Variants in FOXN3 observed in about 807,000 individuals in gnomAD.
FOXN3 encodes the protein forkhead box protein N3.
In FOXN3, 7 loss-of-function variants were observed where a neutral mutation model predicts 38.4. The ratio of observed to expected loss-of-function variants is 0.18; its 90% CI spans 0.10 to 0.34. FOXN3 has a LOEUF of 0.34. Ranked by LOEUF, FOXN3 falls within the 10% of genes least tolerant of loss-of-function variation. The pLI, the probability that FOXN3 is intolerant of heterozygous loss-of-function variation, is 1.00. For synonymous variants in FOXN3, 230 were observed against 242.2 expected (o/e 0.95, Z 0.47); for missense variants, 456 against 613.4 (o/e 0.74, Z 2.71).
intron 3 of FOXN3, chr14:89,290,406 A>C (rs1188261998): frequency 4.9e-5 from 18 of 367,422 alleles, no homozygotes; most frequent in Non-Finnish European, 9.6e-5. Context: ...TCTCCCCATT[A>C]CCTGGATTTG....
chr14:89,395,806 C>T (rs1891084327), intron 2 of FOXN3, among the ~76,000 whole-genome samples: 1 of 152,024 alleles, frequency 6.6e-6, no homozygotes, highest in Non-Finnish European at 1.5e-5. Flanking sequence ...AAGCTGATCT[C>T]TAAGGCTGGA....
intron 1 of FOXN3, among the ~76,000 whole-genome samples, chr14:89,481,230 C>T (rs1056649297): frequency 2.0e-5 from 3 of 152,000 alleles, no homozygotes; most frequent in Non-Finnish European, 4.4e-5. Flanking sequence ...TTTACTCCAC[C>T]CTAGATTTCA....
intron 1 of FOXN3, chr14:89,494,055 ACCC>A: frequency 6.6e-6 from 1 of 152,042 alleles, no homozygotes. Context: ...GAATGCCGCA[ACCC>A]CCGACACATC....
chr14:89,468,068 T>A (rs1448784394), intron 1 of FOXN3, among the ~76,000 whole-genome samples: 1 of 151,452 alleles, frequency 6.6e-6, no homozygotes. Context: ...ATCTACATAA[T>A]TTGATTATTT....
intron 3 of FOXN3, among the ~76,000 whole-genome samples, chr14:89,325,341 C>CACT (rs1888041226): frequency 6.8e-6 from 1 of 147,346 alleles, no homozygotes; most frequent in Non-Finnish European, 1.5e-5. Flanking sequence ...CCACCACCAC[C>CACT]ACCACCACCA....
intron 1 of FOXN3, among the ~76,000 whole-genome samples, chr14:89,546,862 C>A (rs1407556634): frequency 6.6e-6 from 1 of 152,120 alleles, no homozygotes; most frequent in East Asian, 1.9e-4. Flanking sequence ...TGGCTCACTG[C>A]AACCTCCGCC....
intron 1 of FOXN3, among the ~76,000 whole-genome samples, chr14:89,558,441 A>T (rs1002928130): frequency 1.3e-5 from 2 of 152,200 alleles, no homozygotes; most frequent in African/African-American, 4.8e-5. Flanking sequence ...GGTATTAAGA[A>T]GCAGGCTCTC....
chr14:89,549,728 T>C lies in FOXN3; in HGVS notation c.-15+69300A>G, dbSNP rs571572698. On this transcript the variant is annotated intron_variant, in intron 1 of 6. Transcript: ENST00000345097. ...GGTATTTCTTTTCAGATTCAAGGCA[T>C]GGCCAAGTCGCACAGGCTCACTTCA... 2.6e-5 allele frequency among the ~76,000 whole-genome samples: 4 copies of C among 152,336 alleles called. No individual in the cohort carries two copies. In the South Asian group the frequency reaches 8.3e-4, roughly 32 times the overall value.
At chr14:89,363,960 A>AT (rs1555421698) in intron 2 of FOXN3, among the ~76,000 whole-genome samples, 1 of 11,292 alleles carries the variant, frequency 8.9e-5, no homozygotes, top group African/African-American at 1.9e-4. Context: ...ATATATATAT[A>AT]TATATATATA....
At chr14:89,367,843 AC>A (rs11361758) in intron 2 of FOXN3, among the ~76,000 whole-genome samples, 121,897 of 151,780 alleles carry the variant, frequency 0.8, 48,964 homozygotes, top group Admixed American at 0.88. Context: ...TGCCCCAGAA[AC>A]CCTCCCCTCG....
intron 4 of FOXN3, among the ~76,000 whole-genome samples, chr14:89,198,754 C>T (rs575814225): frequency 3.9e-5 from 6 of 152,328 alleles, no homozygotes; most frequent in African/African-American, 7.2e-5. Flanking sequence ...CCACAAAGAA[C>T]GATCCAGTCC....
chr14:89,540,135 G>A (rs571670310), intron 1 of FOXN3, among the ~76,000 whole-genome samples: 12 of 152,298 alleles, frequency 7.9e-5, no homozygotes, highest in African/African-American at 2.9e-4. Flanking sequence ...GGTGTTTGCA[G>A]CATGGTAGTA....
At chr14:89,605,216 G>A (rs1007290889) in intron 1 of FOXN3, among the ~76,000 whole-genome samples, 3 of 152,078 alleles carry the variant, frequency 2.0e-5, no homozygotes, top group African/African-American at 7.2e-5. Context: ...GGGCAAAAAC[G>A]AAACCTAAAT....
chr14:89,363,988 A>ATATATATATAATAT (rs1420813459), intron 2 of FOXN3, among the ~76,000 whole-genome samples: 1 of 52,064 alleles, frequency 1.9e-5, no homozygotes, highest in African/African-American at 8.9e-5. Flanking sequence ...ATATATATAT[A>ATATATATATAATAT]ATATATATAT....
intron 1 of FOXN3, among the ~76,000 whole-genome samples, chr14:89,453,488 A>G (rs1243705574): frequency 6.9e-6 from 1 of 145,642 alleles, no homozygotes; most frequent in African/African-American, 2.6e-5. Context: ...TGAACCCGGC[A>G]GGCAAAGCTT....
chr14:89,208,919 G>T (rs1241901484), intron 4 of FOXN3, among the ~76,000 whole-genome samples: 1 of 152,158 alleles, frequency 6.6e-6, no homozygotes, highest in Non-Finnish European at 1.5e-5. Context: ...TCCCAGTGAT[G>T]CCTTCCAGAG....
intron 1 of FOXN3, among the ~76,000 whole-genome samples, chr14:89,460,533 G>GA (rs1314344561): frequency 6.6e-6 from 1 of 152,148 alleles, no homozygotes; most frequent in Non-Finnish European, 1.5e-5. Flanking sequence ...CGGGGAGGAG[G>GA]AACGTTAGCC....
chr14:89,194,920 A>G (rs2139812707), intron 4 of FOXN3, among the ~76,000 whole-genome samples: 1 of 152,320 alleles, frequency 6.6e-6, no homozygotes, highest in South Asian at 2.1e-4. Flanking sequence ...TTTAAAAAAT[A>G]GCTTTATATG....
At chr14:89,360,692 C>T (rs936455798) in intron 2 of FOXN3, among the ~76,000 whole-genome samples, 5 of 151,600 alleles carry the variant, frequency 3.3e-5, no homozygotes, top group African/African-American at 9.7e-5. Context: ...AAAACTCATC[C>T]TCAGCTACCA....
Sources: allele counts gnomAD v4.1 joint callset (sites outside exome capture counted in the v4.1 genomes callset), GRCh38; gene constraint gnomAD v4.1.1; transcripts MANE v1.5; gene names NCBI Gene and HGNC (gene_info 2026-07-23, HGNC 2026-07-21).